RPS6KA2: variants seen among roughly 807,000 people sequenced by gnomAD.
RPS6KA2 encodes the protein ribosomal protein S6 kinase A2.
Under a neutral mutation model 91.8 loss-of-function variants are expected in RPS6KA2, and 42 were observed. That is an observed-to-expected ratio of 0.46 (90% CI 0.36 to 0.59). The LOEUF is 0.59. RPS6KA2 is among the 20% of genes least tolerant of loss of function. RPS6KA2 has a pLI of 0.00. For missense variants in RPS6KA2, 798 were observed against 978.5 expected (o/e 0.82, Z 2.46); for synonymous variants, 414 against 393.6 (o/e 1.05, Z -0.61).
intron 2 of RPS6KA2, among the ~76,000 whole-genome samples, chr6:166,696,685 G>A (rs897887532): frequency 2.0e-5 from 3 of 152,178 alleles, no homozygotes; most frequent in African/African-American, 7.2e-5. Context: ...TTAAATTGGT[G>A]AATGGAGTCA....
chr6:166,756,712 G>C (rs540391759), intron 2 of RPS6KA2, among the ~76,000 whole-genome samples: 2 of 152,270 alleles, frequency 1.3e-5, no homozygotes, highest in African/African-American at 4.8e-5. Context: ...CAGGCATGGT[G>C]GCGCATGCCT....
chr6:166,797,426 A>G (rs1779254766), intron 2 of RPS6KA2, among the ~76,000 whole-genome samples: 1 of 152,176 alleles, frequency 6.6e-6, no homozygotes, highest in Non-Finnish European at 1.5e-5. Context: ...GGACCCCCAA[A>G]GCTTAACTAC....
chr6:166,535,024 G>T (rs569811788), intron 2 of RPS6KA2, among the ~76,000 whole-genome samples: 14 of 152,350 alleles, frequency 9.2e-5, no homozygotes, highest in Non-Finnish European at 2.1e-4. Flanking sequence ...TGTCACTGAA[G>T]ATCAATTTTA....
chr6:166,511,464 T>C (rs984828631), intron 3 of RPS6KA2, among the ~76,000 whole-genome samples: 3 of 152,222 alleles, frequency 2.0e-5, no homozygotes, highest in African/African-American at 7.2e-5. Flanking sequence ...GTGCTCACAC[T>C]ATCTCAAGTG....
intron 14 of RPS6KA2, among the ~76,000 whole-genome samples, chr6:166,446,697 G>C (rs1779689557): frequency 6.6e-6 from 1 of 152,210 alleles, no homozygotes; most frequent in Admixed American, 6.5e-5. Context: ...TCGTCACTGG[G>C]GGATTTACTT....
chr6:166,422,939 C>T (rs1351411128), intron 17 of RPS6KA2, among the ~76,000 whole-genome samples: 1 of 152,230 alleles, frequency 6.6e-6, no homozygotes, highest in African/African-American at 2.4e-5. Flanking sequence ...AAGGAGACTA[C>T]TGCATCATCT....
intron 2 of RPS6KA2, among the ~76,000 whole-genome samples, chr6:166,728,154 A>G (rs1463713763): frequency 1.3e-5 from 2 of 152,234 alleles, no homozygotes; most frequent in African/African-American, 2.4e-5. Flanking sequence ...GGACTTGAGC[A>G]GTGCAAATTT....
At position 166,490,884 on chromosome 6, in the gene RPS6KA2, G is replaced by A. The variant is rs1291685429; in HGVS notation, c.748-143C>T. The A allele has an allele frequency of 9.3e-6, 6 of 643,994 alleles. No homozygotes were observed. Among genetic ancestry groups the A allele is most frequent in the South Asian group, 1.9e-5 (1 of 52,734 alleles). 39.9% of individuals were successfully genotyped at this position (643,994 alleles called of 1,614,324 possible). On this transcript the variant is annotated intron_variant, in intron 8 of 20. Coordinates refer to ENST00000265678, the MANE Select transcript of RPS6KA2 (RefSeq NM_021135.6). The surrounding 1 kb of genome is among the most constrained non-coding windows in gnomAD (Gnocchi z 4.2). The stretch of plus-strand genomic sequence containing the variant: ...CAGTCAATTGTAGCCACTGGCCTAC[G>A]TGCTTGGGGTACAACAGTGACTAAA...
chr6:166,530,270 G>A (rs1169154660), intron 3 of RPS6KA2, among the ~76,000 whole-genome samples: 1 of 152,126 alleles, frequency 6.6e-6, no homozygotes, highest in Non-Finnish European at 1.5e-5. Context: ...CAGAGAGAAA[G>A]TCTCCCTACC....
chr6:166,857,525 G>A (rs1037051459), intron 2 of RPS6KA2, among the ~76,000 whole-genome samples: 24 of 152,152 alleles, frequency 1.6e-4, no homozygotes, highest in African/African-American at 5.8e-4. Context: ...CAGTGTTGCC[G>A]AGATACTCTC....
intron 2 of RPS6KA2, among the ~76,000 whole-genome samples, chr6:166,782,177 C>T (rs1291133160): frequency 1.3e-5 from 2 of 151,992 alleles, no homozygotes; most frequent in African/African-American, 2.4e-5. Flanking sequence ...CTGTAACCCC[C>T]GCTACTCAGG....
chr6:166,492,632 G>A (rs1273429336), intron 8 of RPS6KA2, among the ~76,000 whole-genome samples: 1 of 152,102 alleles, frequency 6.6e-6, no homozygotes, highest in Non-Finnish European at 1.5e-5. Context: ...TACACAAATG[G>A]TGCCTGTCCA....
intron 2 of RPS6KA2, among the ~76,000 whole-genome samples, chr6:166,838,067 A>C (rs1780367481): frequency 6.6e-6 from 1 of 152,250 alleles, no homozygotes; most frequent in Non-Finnish European, 1.5e-5. Context: ...CCCAGATCAC[A>C]AAGTCAAAGC....
chr6:166,693,800 G>A (rs1313665315), intron 2 of RPS6KA2, among the ~76,000 whole-genome samples: 1 of 152,094 alleles, frequency 6.6e-6, no homozygotes, highest in African/African-American at 2.4e-5. Context: ...AGGGAGAAAG[G>A]CCACAAAAAT....
intron 2 of RPS6KA2, among the ~76,000 whole-genome samples, chr6:166,851,631 GAC>G (rs984234689): frequency 6.6e-6 from 1 of 152,166 alleles, no homozygotes; most frequent in Non-Finnish European, 1.5e-5. Flanking sequence ...CAGACCACGG[GAC>G]ACAGTCTCCA....
intron 1 of RPS6KA2, among the ~76,000 whole-genome samples, chr6:166,601,201 C>A (rs1330932082): frequency 6.6e-6 from 1 of 152,220 alleles, no homozygotes; most frequent in Non-Finnish European, 1.5e-5. Flanking sequence ...TATTTCTCTA[C>A]TTGCAAGCAA....
In RPS6KA2 at chr6:166,533,859, A is replaced by T. The variant is rs1201284568; in HGVS notation, c.217-2546T>A. On this transcript the variant is annotated intron_variant, in intron 2 of 20. Coordinates refer to ENST00000265678, the MANE Select transcript of RPS6KA2 (RefSeq NM_021135.6). This position sits in a 1 kb window ranked among gnomAD's most constrained non-coding sequence, Gnocchi z 4.0. ...CACATTGGGAGGCTGAGACAGAAGG[A>T]TCTCTTGAGGCCAAGAATTTGCAAC... 6.6e-6 allele frequency among the ~76,000 whole-genome samples: 1 copy of T among 152,208 alleles called. No homozygotes were observed. The highest frequency in any genetic ancestry group is 1.5e-5 in the Non-Finnish European group (1 of 68,040).
chr6:166,528,975 A>G (rs1783161039), intron 3 of RPS6KA2, among the ~76,000 whole-genome samples: 2 of 152,232 alleles, frequency 1.3e-5, no homozygotes, highest in South Asian at 4.1e-4. Flanking sequence ...TGTTGGTGGG[A>G]CTGTAAACTA....
At position 166,437,542 on chromosome 6, in the gene RPS6KA2, A is replaced by G. The variant is rs1464221502; in HGVS notation, c.1333-5052T>C. Among the ~76,000 whole-genome samples the G allele has an allele frequency of 1.3e-5, 2 of 152,182 alleles. No homozygotes were observed. Among genetic ancestry groups the G allele is most frequent in the Non-Finnish European group, 2.9e-5 (2 of 68,026 alleles). ...GTTAGAAAGGACTCCTACAACCTCC[A>G]GAGAAGGGCATTCTCCAGGGGTTGG... On this transcript the variant is annotated intron_variant, in intron 14 of 20. Coordinates refer to ENST00000265678, the MANE Select transcript of RPS6KA2 (RefSeq NM_021135.6). This position sits in a 1 kb window ranked among gnomAD's most constrained non-coding sequence, Gnocchi z 4.3.
Sources: gnomAD v4.1 joint callset for allele counts (sites outside exome capture counted in the v4.1 genomes callset) on GRCh38, gnomAD v4.1.1 for gene constraint, Gnocchi (gnomAD v3.1) non-coding constraint, MANE v1.5 for transcripts, NCBI Gene and HGNC (gene_info 2026-07-23, HGNC 2026-07-21) for gene names.